GREM2: variants seen among roughly 807,000 people sequenced by gnomAD.
The protein encoded by GREM2 is gremlin 2, DAN family BMP antagonist, also known as gremlin-2.
In GREM2, 11 loss-of-function variants were observed where a neutral mutation model predicts 14.2. The observed-to-expected ratio is 0.78, with a 90% CI of 0.49 to 1.28. The LOEUF (loss-of-function observed/expected upper bound fraction) is 1.28. Ranked by LOEUF, GREM2 falls within the 50% of genes most tolerant of loss-of-function variation. The pLI, the probability that GREM2 is intolerant of heterozygous loss-of-function variation, is 0.00. For missense variants in GREM2, 210 were observed against 218.5 expected (o/e 0.96, Z 0.24); for synonymous variants, 98 against 97.6 (o/e 1.00, Z -0.02).
chr1:240,600,805 A>G (rs4659985), intron 1 of GREM2, among the ~76,000 whole-genome samples: 33,079 of 152,006 alleles, frequency 0.22, 4,464 homozygotes, highest in South Asian at 0.32. Flanking sequence ...GCTGACATGC[A>G]TGTCTCTCCT....
chr1:240,516,440 C>T (rs1188070326), intron 1 of GREM2, among the ~76,000 whole-genome samples: 2 of 152,070 alleles, frequency 1.3e-5, no homozygotes, highest in African/African-American at 4.8e-5. Context: ...TATTTGTATT[C>T]TATTGTTCCC....
chr1:240,541,600 G>T (rs920993949), intron 1 of GREM2, among the ~76,000 whole-genome samples: 4 of 151,052 alleles, frequency 2.6e-5, no homozygotes, highest in African/African-American at 9.7e-5. Flanking sequence ...TTTTCTGTTT[G>T]GTTGCGTTAA....
At chr1:240,583,278 C>T (rs1463787591) in intron 1 of GREM2, among the ~76,000 whole-genome samples, 1 of 152,118 alleles carries the variant, frequency 6.6e-6, no homozygotes, top group Non-Finnish European at 1.5e-5. Context: ...AAAAAATGCT[C>T]AGCCCAAGGA....
chr1:240,537,071 A>G (rs1257809453), intron 1 of GREM2, among the ~76,000 whole-genome samples: 1 of 152,210 alleles, frequency 6.6e-6, no homozygotes, highest in African/African-American at 2.4e-5. Context: ...AGTAAGATAA[A>G]TTAAATACAG....
chr1:240,493,040 G>A lies in GREM2; in HGVS notation c.436C>T (p.Leu146Phe), dbSNP rs372378723. The A allele has an allele frequency of 1.2e-6, 2 of 1,603,720 alleles. No homozygotes were observed. Among genetic ancestry groups the A allele is most frequent in the East Asian group, 2.2e-5 (1 of 44,570 alleles). The change falls in exon 2 of 2, where the codon CTC becomes TTC. Residue 146 changes from leucine to phenylalanine, a missense_variant. Coordinates refer to ENST00000318160, the MANE Select transcript of GREM2 (RefSeq NM_022469.4). ...TGCTTCACCTTCTGGATTTTCTTGA[G>A]TCGGAAGGGTGGGTCCAGGCCGGGG... ...ECPGLDPPFR[L>F]KKIQKVKQCR...
intron 1 of GREM2, among the ~76,000 whole-genome samples, chr1:240,610,005 A>G (rs1383308333): frequency 6.6e-6 from 1 of 152,044 alleles, no homozygotes; most frequent in Non-Finnish European, 1.5e-5. Context: ...TAATCACAGC[A>G]TTGTTTATAT....
rs1482133151 is a variant in GREM2, at chr1:240,538,158, T to C, written c.-1-44682A>G. ...TTGACCACGCTGATCTTAAATTTAG[T>C]TACTCTTATTATCTATAAGCTAACC... On this transcript the variant is annotated intron_variant, in intron 1 of 1. Coordinates refer to ENST00000318160, the MANE Select transcript of GREM2 (RefSeq NM_022469.4). 2.0e-5 allele frequency among the ~76,000 whole-genome samples: 3 copies of C among 152,222 alleles called. No homozygotes were observed. In the East Asian group the frequency reaches 5.8e-4, roughly 29 times the overall value.
At chr1:240,493,803 C>A (rs934259530) in intron 1 of GREM2, among the ~76,000 whole-genome samples, 7 of 152,160 alleles carry the variant, frequency 4.6e-5, no homozygotes, top group Non-Finnish European at 1.0e-4. Flanking sequence ...GCCCTGGGAT[C>A]ATAGGCGTGA....
At chr1:240,544,170 G>A (rs957609825) in intron 1 of GREM2, among the ~76,000 whole-genome samples, 2 of 129,574 alleles carry the variant, frequency 1.5e-5, no homozygotes. Context: ...TTTTTTTTGA[G>A]ACAGTCTCGC....
At chr1:240,498,286 A>G (rs1023159508) in intron 1 of GREM2, among the ~76,000 whole-genome samples, 3 of 152,158 alleles carry the variant, frequency 2.0e-5, no homozygotes, top group Non-Finnish European at 4.4e-5. Context: ...AGGAAGGGGG[A>G]AAAGTGGTTG....
chr1:240,609,537 A>G (rs1680092601), intron 1 of GREM2, among the ~76,000 whole-genome samples: 1 of 152,048 alleles, frequency 6.6e-6, no homozygotes, highest in Non-Finnish European at 1.5e-5. Context: ...CCTTCAAAAC[A>G]ATGTCTTGTG....
At chr1:240,505,643 C>G (rs577166494) in intron 1 of GREM2, among the ~76,000 whole-genome samples, 32 of 150,996 alleles carry the variant, frequency 2.1e-4, no homozygotes, top group African/African-American at 7.3e-4. Flanking sequence ...GTAATCAATC[C>G]AAAGAGCCAA....
chr1:240,505,057 G>A (rs1677649182), intron 1 of GREM2, among the ~76,000 whole-genome samples: 3 of 152,120 alleles, frequency 2.0e-5, no homozygotes, highest in Admixed American at 2.0e-4. Flanking sequence ...TTCCCCTAGT[G>A]CTGTGCTCAT....
chr1:240,537,047 T>C (rs772652817), intron 1 of GREM2, among the ~76,000 whole-genome samples: 4 of 152,164 alleles, frequency 2.6e-5, no homozygotes, highest in Non-Finnish European at 5.9e-5. Context: ...TGAAAGCACT[T>C]TTAGTTGTGC....
chr1:240,555,506 A>C (rs1373775908), intron 1 of GREM2, among the ~76,000 whole-genome samples: 5 of 152,252 alleles, frequency 3.3e-5, no homozygotes. Flanking sequence ...TAAAAAAGTA[A>C]AAATGTTTAG....
intron 1 of GREM2, among the ~76,000 whole-genome samples, chr1:240,601,130 A>G (rs534265452): frequency 1.5e-4 from 23 of 152,308 alleles, no homozygotes; most frequent in South Asian, 1.5e-3. Flanking sequence ...CAATTCACTA[A>G]TATCAAAAGC....
chr1:240,594,906 A>T (rs967654723), intron 1 of GREM2, among the ~76,000 whole-genome samples: 2 of 152,120 alleles, frequency 1.3e-5, no homozygotes, highest in Non-Finnish European at 2.9e-5. Flanking sequence ...ACTGTACTGA[A>T]TAGTATAAAG....
chr1:240,526,204 G>A (rs183204503), intron 1 of GREM2, among the ~76,000 whole-genome samples: 2 of 152,262 alleles, frequency 1.3e-5, no homozygotes, highest in African/African-American at 2.4e-5. Flanking sequence ...TCTTTGGAGG[G>A]GGGCATTGTT....
At chr1:240,553,573 A>T (rs1463735424) in intron 1 of GREM2, among the ~76,000 whole-genome samples, 1 of 152,198 alleles carries the variant, frequency 6.6e-6, no homozygotes, top group Non-Finnish European at 1.5e-5. Flanking sequence ...AAGCTCACAC[A>T]CTTTAAACAG....
Sources: allele counts gnomAD v4.1 joint callset (sites outside exome capture counted in the v4.1 genomes callset), GRCh38; gene constraint gnomAD v4.1.1; transcripts MANE v1.5; gene names NCBI Gene and HGNC (gene_info 2026-07-23, HGNC 2026-07-21).